The following TTLL5 variants were observed in gnomAD, a reference collection of about 807,000 sequenced individuals.
The protein encoded by TTLL5 is tubulin polyglutamylase TTLL5.
In TTLL5, 132 loss-of-function variants were observed where a neutral mutation model predicts 168.4. That is an observed-to-expected ratio of 0.78 (90% CI 0.68 to 0.91). TTLL5 has a LOEUF of 0.91. Ranked by LOEUF, TTLL5 falls within the 40% of genes least tolerant of loss-of-function variation. The pLI is 0.00. For missense variants in TTLL5, 1,545 were observed against 1,581.5 expected (o/e 0.98, Z 0.39); for synonymous variants, 546 against 558.6 (o/e 0.98, Z 0.32).
intron 4 of TTLL5, among the ~76,000 whole-genome samples, chr14:75,682,238 G>A (rs990532637): frequency 1.3e-5 from 2 of 151,700 alleles, no homozygotes; most frequent in African/African-American, 4.8e-5. Flanking sequence ...AGAATGATGT[G>A]CAGAGGGGAC....
At chr14:75,820,270 G>A in intron 28 of TTLL5, 109 bp downstream of exon 28, 1 of 1,192,564 alleles carries the variant, frequency 8.4e-7, no homozygotes, top group Non-Finnish European at 1.1e-6. Flanking sequence ...TAAGGCATAT[G>A]CCCTTTCTCC....
chr14:75,683,721 A>G, intron 5 of TTLL5, 65 bp downstream of exon 5: 1 of 1,316,170 alleles, frequency 7.6e-7, no homozygotes, highest in Non-Finnish European at 1.1e-6. Context: ...TGTAGCCAGC[A>G]AAGGTAATTA....
intron 12 of TTLL5, among the ~76,000 whole-genome samples, chr14:75,727,055 A>G (rs1888228972): frequency 6.6e-6 from 1 of 152,154 alleles, no homozygotes; most frequent in Admixed American, 6.5e-5. Flanking sequence ...TTTCTAAGAA[A>G]AGTATAATTC....
chr14:75,717,684 T>C lies in TTLL5; in HGVS notation c.741-177T>C, dbSNP rs75428471. The stretch of plus-strand genomic sequence containing the variant: ...CTACTTCATAGGGTTGCTTTAAGGA[T>C]TGAATTAAGTATGACATTATAAAAC... On this transcript the variant is annotated intron_variant, in intron 9 of 31. Transcript: ENST00000298832. 1.2e-3 allele frequency: 723 copies of C among 580,756 alleles called. 4 individuals carry two copies. Among genetic ancestry groups the C allele is most frequent in the African/African-American group, 0.011 (583 of 53,726 alleles). The allele number at this position is 580,756 out of a possible 1,614,324, so 36.0% of individuals were successfully genotyped here.
chr14:75,750,445 T>G (rs1008426053), intron 17 of TTLL5, among the ~76,000 whole-genome samples: 1 of 151,244 alleles, frequency 6.6e-6, no homozygotes, highest in Admixed American at 6.6e-5. Context: ...GATTCTCTTC[T>G]ACCTCTGCCA....
At chr14:75,912,462 A>G (rs1457865111) in intron 31 of TTLL5, among the ~76,000 whole-genome samples, 3 of 152,318 alleles carry the variant, frequency 2.0e-5, no homozygotes, top group East Asian at 3.9e-4. Context: ...AGGGTCTTAA[A>G]ATATAAAACC....
rs1463326196 is a variant in TTLL5 at position 75,820,052 on chromosome 14, G to A, written c.3217G>A (p.Ala1073Thr). 6.2e-7 allele frequency: 1 copy of A among 1,606,698 alleles called. No homozygotes were observed. The highest frequency in any genetic ancestry group is 8.5e-7 in the Non-Finnish European group (1 of 1,176,922). ...AACTGGCATCATAAACAGAAGCAGT[G>A]CTTCAGCTCCCCCAACCCTCCGACC... ...LATGIINRSS[A>T]SAPPTLRPII... Residue 1073 changes from alanine (A) to threonine (T), a missense_variant, in exon 28 of 32, where the codon GCT becomes ACT. Transcript: ENST00000298832.
At chr14:75,819,378 T>C (rs1457649821) in intron 27 of TTLL5, among the ~76,000 whole-genome samples, 3 of 152,236 alleles carry the variant, frequency 2.0e-5, no homozygotes, top group African/African-American at 7.2e-5. Context: ...CTTTAAATAT[T>C]GTATACCAAA....
In TTLL5 at chr14:75,677,488, C is replaced by G. The variant is rs1884263552; in HGVS notation, c.182-4057C>G. Among the ~76,000 whole-genome samples, 6 of 143,636 alleles carry G rather than the reference C, an allele frequency of 4.2e-5. 1 individual carries two copies. In the South Asian group the frequency reaches 1.1e-3, roughly 27 times the overall value. 94.2% of individuals were successfully genotyped at this position (143,636 alleles called of 152,430 possible). On this transcript the variant is annotated intron_variant, in intron 3 of 31. Transcript: ENST00000298832. ...ATGACTCACTGCAGCCTTAGCCTTT[C>G]AAGGCTCAGGTGATCCTCCTGCCTC...
chr14:75,918,536 A>T (rs1387793911), intron 31 of TTLL5, among the ~76,000 whole-genome samples: 1 of 152,134 alleles, frequency 6.6e-6, no homozygotes, highest in Non-Finnish European at 1.5e-5. Context: ...CCTTTCAGTT[A>T]CAGTAACACA....
chr14:75,669,493 C>A lies in TTLL5; in HGVS notation c.152C>A (p.Thr51Lys), dbSNP rs1457682621. ...VLVFHADAIL[T>K]KDNNIRVIGE... Reference sequence around the variant, plus strand: ...GTATTCCATGCCGACGCTATTCTTACAAAGGACAACAATATTAGAGTAATT... The same window carrying A: ...GTATTCCATGCCGACGCTATTCTTAAAAAGGACAACAATATTAGAGTAATT... Residue 51 changes from threonine to lysine, a missense_variant, in exon 3 of 32, where the codon ACA becomes AAA. Coordinates refer to ENST00000298832, the MANE Select transcript of TTLL5 (RefSeq NM_015072.5). 1.2e-6 allele frequency: 2 copies of A among 1,614,066 alleles called. No individual in the cohort carries two copies. Among genetic ancestry groups the A allele is most frequent in the Admixed American group, 1.7e-5 (1 of 60,022 alleles).
chr14:75,807,382 A>G (rs1254349637), intron 27 of TTLL5, among the ~76,000 whole-genome samples: 1 of 152,202 alleles, frequency 6.6e-6, no homozygotes, highest in Non-Finnish European at 1.5e-5. Context: ...CAAGAGCTGC[A>G]GTGTGCCATA....
At chr14:75,850,252 C>A (rs1427303402) in intron 28 of TTLL5, among the ~76,000 whole-genome samples, 1 of 151,248 alleles carries the variant, frequency 6.6e-6, no homozygotes, top group Admixed American at 6.6e-5. Flanking sequence ...ACTAAAAATA[C>A]AAAATTATCC....
At chr14:75,923,477 C>T (rs2033899396) in intron 31 of TTLL5, among the ~76,000 whole-genome samples, 1 of 152,194 alleles carries the variant, frequency 6.6e-6, no homozygotes, top group South Asian at 2.1e-4. Context: ...ACCCAGTAGT[C>T]ATTCAGGAGC....
At chr14:75,692,555 CTA>C (rs1393455834) in intron 6 of TTLL5, among the ~76,000 whole-genome samples, 5 of 152,192 alleles carry the variant, frequency 3.3e-5, no homozygotes, top group South Asian at 2.1e-4. Context: ...AGAAAAATAA[CTA>C]TGTGAAATGA....
chr14:75,848,505 G>A (rs1896677364), intron 28 of TTLL5, among the ~76,000 whole-genome samples: 1 of 152,156 alleles, frequency 6.6e-6, no homozygotes, highest in South Asian at 2.1e-4. Context: ...CCCTTGATTT[G>A]ATAAAAATCC....
intron 12 of TTLL5, among the ~76,000 whole-genome samples, chr14:75,730,115 C>T (rs1244479909): frequency 2.0e-5 from 3 of 152,188 alleles, no homozygotes; most frequent in African/African-American, 7.2e-5. Context: ...TGTGCTTCAG[C>T]TTTTAAACAA....
rs561078439 is a variant in TTLL5 at position 75,827,707 on chromosome 14, CTTTTTTTTTTTT to C, written c.3326+7566_3326+7577del. On this transcript the variant is annotated intron_variant, in intron 28 of 31. Transcript: ENST00000298832. ...AATCAATACCACATTTGGCTTGGTTCTTTTTTTTTTTTTTTTTTTTTTTTTTTTTTTGAAACA... is the reference window on the plus strand; with the variant it reads ...AATCAATACCACATTTGGCTTGGTTCTTTTTTTTTTTTTTTTTTTGAAACA... Among the ~76,000 whole-genome samples the C allele has an allele frequency of 5.5e-4, 29 of 53,206 alleles. No homozygotes were observed. In the South Asian group the frequency reaches 7.1e-3, roughly 13 times the overall value. 34.9% of individuals were successfully genotyped at this position (53,206 alleles called of 152,430 possible).
chr14:75,928,357 A>ATG (rs1237653635), intron 31 of TTLL5, among the ~76,000 whole-genome samples: 2 of 128,456 alleles, frequency 1.6e-5, no homozygotes, highest in African/African-American at 7.0e-5. Flanking sequence ...ATATATATAT[A>ATG]TATATATATA....
Sources: allele counts gnomAD v4.1 joint callset (sites outside exome capture counted in the v4.1 genomes callset), GRCh38; gene constraint gnomAD v4.1.1; transcripts MANE v1.5; gene names NCBI Gene and HGNC (gene_info 2026-07-23, HGNC 2026-07-21).